The following GRIK1 variants were observed in gnomAD, a reference collection of about 807,000 sequenced individuals.
GRIK1 encodes the protein glutamate receptor ionotropic, kainate 1.
Under a neutral mutation model 105.7 loss-of-function variants are expected in GRIK1, and 69 were observed. The observed-to-expected ratio is 0.65, with a 90% CI of 0.54 to 0.80. GRIK1 has a LOEUF of 0.80. Ranked by LOEUF, GRIK1 falls within the 30% of genes least tolerant of loss-of-function variation. The pLI is 0.00. For synonymous variants in GRIK1, 438 were observed against 431.3 expected (o/e 1.02, Z -0.19); for missense variants, 1,109 against 1,167.3 (o/e 0.95, Z 0.73).
At chr21:29,890,065 G>A (rs2069835435) in intron 1 of GRIK1, among the ~76,000 whole-genome samples, 1 of 152,086 alleles carries the variant, frequency 6.6e-6, no homozygotes, top group Non-Finnish European at 1.5e-5. Context: ...AATAAGTCAT[G>A]TGATACTGTT....
intron 1 of GRIK1, among the ~76,000 whole-genome samples, chr21:29,713,414 AT>A (rs1210101206): frequency 4.6e-5 from 7 of 152,152 alleles, no homozygotes; most frequent in African/African-American, 1.7e-4. Flanking sequence ...TGCCTATAAA[AT>A]TATTCTCTGC....
chr21:29,655,163 C>G (rs1331179889), intron 4 of GRIK1, among the ~76,000 whole-genome samples: 2 of 152,222 alleles, frequency 1.3e-5, no homozygotes, highest in Non-Finnish European at 2.9e-5. Flanking sequence ...AATCCCAGCA[C>G]TTTGGGAGAC....
chr21:29,785,558 T>G (rs1296106840), intron 1 of GRIK1, among the ~76,000 whole-genome samples: 1 of 103,588 alleles, frequency 9.7e-6, no homozygotes, highest in Non-Finnish European at 1.8e-5. Flanking sequence ...AGTGAGACTG[T>G]CTCAAAAAAA....
intron 9 of GRIK1, among the ~76,000 whole-genome samples, chr21:29,591,843 G>A (rs952830248): frequency 1.3e-5 from 2 of 152,020 alleles, no homozygotes; most frequent in African/African-American, 4.8e-5. Context: ...GAGACCAGGT[G>A]TTCAAGGCCA....
At chr21:29,745,353 G>A (rs1475938326) in intron 1 of GRIK1, among the ~76,000 whole-genome samples, 1 of 152,180 alleles carries the variant, frequency 6.6e-6, no homozygotes, top group East Asian at 1.9e-4. Context: ...GTAGCTTTGT[G>A]AGAGACCTCA....
chr21:29,580,255 A>G (rs2090999383), intron 13 of GRIK1, among the ~76,000 whole-genome samples: 1 of 151,294 alleles, frequency 6.6e-6, no homozygotes, highest in Non-Finnish European at 1.5e-5. Context: ...AATTGCTCAC[A>G]AGATAAATAT....
chr21:29,836,197 C>G (rs2067801734), intron 1 of GRIK1, among the ~76,000 whole-genome samples: 1 of 152,144 alleles, frequency 6.6e-6, no homozygotes. Flanking sequence ...AACTGAGGCA[C>G]TGGGAAATTT....
chr21:29,920,908 A>T (rs2071170532), intron 1 of GRIK1, among the ~76,000 whole-genome samples: 1 of 151,518 alleles, frequency 6.6e-6, no homozygotes, highest in Admixed American at 6.6e-5. Context: ...GCTTCCGTTC[A>T]TACCATCTGA....
At chr21:29,631,596 A>G (rs774760235) in intron 7 of GRIK1, among the ~76,000 whole-genome samples, 3 of 152,212 alleles carry the variant, frequency 2.0e-5, no homozygotes, top group African/African-American at 4.8e-5. Flanking sequence ...GCTGTTCATT[A>G]TGGTAGCTGG....
intron 1 of GRIK1, among the ~76,000 whole-genome samples, chr21:29,851,577 T>TTGCTTG (rs1356243812): frequency 2.6e-5 from 4 of 152,222 alleles, no homozygotes; most frequent in African/African-American, 9.6e-5. Context: ...TGAATGACTT[T>TTGCTTG]AGCTTGAGTC....
intron 6 of GRIK1, among the ~76,000 whole-genome samples, chr21:29,647,381 A>T (rs1274511941): frequency 6.6e-6 from 1 of 152,176 alleles, no homozygotes; most frequent in Non-Finnish European, 1.5e-5. Context: ...ATTATCTCGG[A>T]AGATTTTGCT....
At chr21:29,891,462 A>C (rs1305165989) in intron 1 of GRIK1, among the ~76,000 whole-genome samples, 1 of 152,212 alleles carries the variant, frequency 6.6e-6, no homozygotes, top group Non-Finnish European at 1.5e-5. Flanking sequence ...GGCGTGCATA[A>C]TGCATTCTAC....
intron 3 of GRIK1, among the ~76,000 whole-genome samples, chr21:29,680,523 T>C (rs2063351725): frequency 6.6e-6 from 1 of 152,258 alleles, no homozygotes; most frequent in African/African-American, 2.4e-5. Context: ...CCTACTATTC[T>C]TCAAGAGTAG....
At chr21:29,865,339 CTATT>C (rs1439917150) in intron 1 of GRIK1, among the ~76,000 whole-genome samples, 2 of 152,146 alleles carry the variant, frequency 1.3e-5, no homozygotes, top group African/African-American at 4.8e-5. Flanking sequence ...TTCTGGGCCT[CTATT>C]CATTTAGCAT....
At chr21:29,583,638 A>G (rs933333439) in intron 12 of GRIK1, among the ~76,000 whole-genome samples, 4 of 152,194 alleles carry the variant, frequency 2.6e-5, no homozygotes, top group African/African-American at 9.6e-5. Context: ...GTGTGGCAAA[A>G]AGAAAAACTG....
At chr21:29,907,479 A>G (rs2146283068) in intron 1 of GRIK1, among the ~76,000 whole-genome samples, 1 of 152,272 alleles carries the variant, frequency 6.6e-6, no homozygotes, top group African/African-American at 2.4e-5. Flanking sequence ...AGTCTCCTTC[A>G]ATGTATTTTG....
intron 1 of GRIK1, among the ~76,000 whole-genome samples, chr21:29,830,859 A>T (rs904989000): frequency 1.3e-5 from 2 of 152,210 alleles, no homozygotes; most frequent in Admixed American, 6.5e-5. Flanking sequence ...ATGAAAATGT[A>T]AGAATTCAAG....
chr21:29,744,117 A>G (rs1173529391), intron 1 of GRIK1, among the ~76,000 whole-genome samples: 1 of 152,236 alleles, frequency 6.6e-6, no homozygotes, highest in Non-Finnish European at 1.5e-5. Flanking sequence ...TACATAAGTT[A>G]TAAGTTATAA....
intron 4 of GRIK1, among the ~76,000 whole-genome samples, chr21:29,662,921 C>T (rs2062992472): frequency 6.6e-6 from 1 of 152,000 alleles, no homozygotes. Context: ...TAAAAACTCC[C>T]CAGGTGATAC....
Sources: allele counts gnomAD v4.1 joint callset (sites outside exome capture counted in the v4.1 genomes callset), GRCh38; gene constraint gnomAD v4.1.1; transcripts MANE v1.5; gene names NCBI Gene and HGNC (gene_info 2026-07-23, HGNC 2026-07-21).